Variants in PHLPP1 observed in about 807,000 individuals in gnomAD.
PHLPP1 encodes the protein PH domain leucine-rich repeat-containing protein phosphatase 1.
In PHLPP1, 42 loss-of-function variants were observed where a neutral mutation model predicts 117.2. The observed-to-expected ratio is 0.36, with a 90% confidence interval of 0.28 to 0.46. PHLPP1 has a LOEUF of 0.46. Ranked by LOEUF, PHLPP1 falls within the 20% of genes least tolerant of loss-of-function variation. The probability of loss-of-function intolerance (pLI) is 1.00; values close to 1 mark genes in which losing one functional copy is unlikely to be tolerated. For synonymous variants in PHLPP1, 1,042 were observed against 970.7 expected, an observed-to-expected ratio of 1.07 and a Z score of -1.37; for missense variants, 2,084 against 2,241.9, an observed-to-expected ratio of 0.93 and a Z score of 1.42.
At chr18:62,746,959 C>T (rs994359727) in intron 1 of PHLPP1, among the ~76,000 whole-genome samples, 7 of 152,122 alleles carry the variant, frequency 4.6e-5, no homozygotes, top group African/African-American at 1.7e-4. Flanking sequence ...TTGTTCTAGA[C>T]TCAGTTTTGG....
intron 1 of PHLPP1, among the ~76,000 whole-genome samples, chr18:62,787,316 G>T (rs1332803448): frequency 6.6e-6 from 1 of 152,078 alleles, no homozygotes; most frequent in Non-Finnish European, 1.5e-5. Flanking sequence ...ACAGGCACGT[G>T]CCGCTACTGC....
In PHLPP1 at chr18:62,787,388, G is replaced by A. The variant is rs1046859622; in HGVS notation, c.1577-42647G>A. Among the ~76,000 whole-genome samples the A allele has an allele frequency of 1.2e-4, 19 of 152,022 alleles. 1 individual carries two copies. The highest frequency in any genetic ancestry group is 7.7e-4 in the East Asian group (4 of 5,184). On this transcript the variant is annotated intron_variant, in intron 1 of 16. Transcript: ENST00000262719. Reference sequence around the variant, plus strand: ...TCGCCATGTTAGCCAGGCTGGTCTCGAACTTCTGACCTCAGATGATCCGCC... The same window carrying A: ...TCGCCATGTTAGCCAGGCTGGTCTCAAACTTCTGACCTCAGATGATCCGCC...
intron 1 of PHLPP1, among the ~76,000 whole-genome samples, chr18:62,813,949 TTGG>T (rs1914193990): frequency 1.3e-5 from 2 of 152,146 alleles, no homozygotes; most frequent in African/African-American, 4.8e-5. Context: ...AGAATTTTCT[TTGG>T]TGGATTTTTT....
At chr18:62,950,552 C>T (rs1910421707) in intron 12 of PHLPP1, among the ~76,000 whole-genome samples, 1 of 152,028 alleles carries the variant, frequency 6.6e-6, no homozygotes, top group Non-Finnish European at 1.5e-5. Flanking sequence ...GGGGAAATGG[C>T]TGGGTAGAAT....
intron 12 of PHLPP1, among the ~76,000 whole-genome samples, chr18:62,950,045 T>A (rs1488821777): frequency 6.6e-6 from 1 of 152,206 alleles, no homozygotes; most frequent in Non-Finnish European, 1.5e-5. Flanking sequence ...GTTTTTGAAG[T>A]GTATTTTAAG....
chr18:62,878,474 GTC>G (rs1916099788), intron 4 of PHLPP1, among the ~76,000 whole-genome samples: 2 of 152,148 alleles, frequency 1.3e-5, no homozygotes, highest in African/African-American at 4.8e-5. Context: ...CCATGAAAAT[GTC>G]TGTTTTTATT....
chr18:62,865,955 G>A (rs965846461), intron 4 of PHLPP1, among the ~76,000 whole-genome samples: 2 of 152,140 alleles, frequency 1.3e-5, no homozygotes, highest in Non-Finnish European at 2.9e-5. Flanking sequence ...CCTGGGTGAT[G>A]AAATATATGT....
At chr18:62,767,637 G>A (rs902470885) in intron 1 of PHLPP1, among the ~76,000 whole-genome samples, 9 of 152,210 alleles carry the variant, frequency 5.9e-5, no homozygotes, top group Admixed American at 1.3e-4. Flanking sequence ...TTGCCACAGA[G>A]TTTTAGAATG....
rs370710074 is a variant in PHLPP1, at chr18:62,801,898, T to G, written c.1577-28137T>G. ...ATTTAACTTTTATGTCATTCACATT[T>G]GCATACACAGAGCATCACTCCTAGT... On this transcript the variant is annotated intron_variant, in intron 1 of 16. Coordinates refer to ENST00000262719, the MANE Select transcript of PHLPP1 (RefSeq NM_194449.4). Among the ~76,000 whole-genome samples, 3 of 152,248 alleles carry G rather than the reference T, an allele frequency of 2.0e-5. No individual in the cohort carries two copies. In the East Asian group the frequency reaches 5.8e-4, roughly 29 times the overall value.
rs1910704667 is a variant in PHLPP1 at position 62,715,812 on chromosome 18, G to A, written c.129G>A (p.Ala43=). ...AAAAAAAALA[A]AAGGGRSPEP... is the part of the protein sequence containing the mutation. The stretch of plus-strand genomic sequence containing the variant: ...CGGCGGCCGCGGCGGCTCTGGCGGC[G>A]GCGGCCGGGGGCGGCCGGAGTCCGG... Residue 43 remains alanine, a synonymous_variant, in exon 1 of 17, where the codon GCG becomes GCA. Coordinates refer to ENST00000262719, the MANE Select transcript of PHLPP1 (RefSeq NM_194449.4). The A allele has an allele frequency of 4.1e-6, 3 of 738,952 alleles. No individual in the cohort carries two copies. Among genetic ancestry groups the A allele is most frequent in the Non-Finnish European group, 5.0e-6 (3 of 600,498 alleles). 45.8% of individuals were successfully genotyped at this position (738,952 alleles called of 1,614,324 possible). A position where few individuals can be genotyped will look rare whatever the true frequency, so the allele number is the denominator to read the frequency against.
At chr18:62,783,877 T>C (rs1420335158) in intron 1 of PHLPP1, among the ~76,000 whole-genome samples, 1 of 152,204 alleles carries the variant, frequency 6.6e-6, no homozygotes, top group African/African-American at 2.4e-5. Context: ...GAACTTATAC[T>C]TCTCACAATT....
At chr18:62,888,384 G>T (rs1284440861) in intron 4 of PHLPP1, among the ~76,000 whole-genome samples, 1 of 150,660 alleles carries the variant, frequency 6.6e-6, no homozygotes, top group Non-Finnish European at 1.5e-5. Context: ...TGGAATCTGG[G>T]TCTGTGTGCA....
At chr18:62,791,593 A>C (rs754653988) in intron 1 of PHLPP1, among the ~76,000 whole-genome samples, 3 of 152,156 alleles carry the variant, frequency 2.0e-5, no homozygotes, top group Admixed American at 6.5e-5. Flanking sequence ...TGCATCATTG[A>C]ATGTTCTTGC....
chr18:62,876,592 A>G (rs1432730434), intron 4 of PHLPP1, among the ~76,000 whole-genome samples: 3 of 152,244 alleles, frequency 2.0e-5, no homozygotes, highest in African/African-American at 7.2e-5. Context: ...AGGATAATCA[A>G]AATAATGTGA....
At position 62,979,227 on chromosome 18, in the gene PHLPP1, C is replaced by G. The variant is rs554944084; in HGVS notation, c.4950C>G (p.Gly1650=). Residue 1650 remains glycine (G), a synonymous_variant, in exon 17 of 17, where the codon GGC becomes GGG. Coordinates refer to ENST00000262719, the MANE Select transcript of PHLPP1 (RefSeq NM_194449.4). ...ACGCACCTCTTCGAAAGCCTGGAGG[C>G]TATTTTGCTGCCCCGGCTCAGCCGG... is the stretch of plus-strand genomic sequence containing the variant. ...ATDAPLRKPG[G]YFAAPAQPDP... 1.9e-6 allele frequency: 3 copies of G among 1,606,588 alleles called. No individual in the cohort carries two copies. In the South Asian group the frequency reaches 3.3e-5, roughly 18 times the overall value.
chr18:62,869,669 G>A (rs1355234869), intron 4 of PHLPP1, among the ~76,000 whole-genome samples: 1 of 152,146 alleles, frequency 6.6e-6, no homozygotes, highest in Non-Finnish European at 1.5e-5. Context: ...CATATTATCA[G>A]CTTGTACTTT....
intron 3 of PHLPP1, among the ~76,000 whole-genome samples, chr18:62,842,298 T>A (rs915157601): frequency 6.6e-6 from 1 of 152,168 alleles, no homozygotes; most frequent in Non-Finnish European, 1.5e-5. Flanking sequence ...ATGGCAGACA[T>A]TGGGGAAATG....
intron 9 of PHLPP1, among the ~76,000 whole-genome samples, chr18:62,919,250 A>G (rs1909387717): frequency 6.6e-6 from 1 of 152,214 alleles, no homozygotes; most frequent in African/African-American, 2.4e-5. Context: ...GATTTACATT[A>G]GATTAACAAG....
At chr18:62,799,702 T>C (rs1281392021) in intron 1 of PHLPP1, among the ~76,000 whole-genome samples, 2 of 152,184 alleles carry the variant, frequency 1.3e-5, no homozygotes, top group Admixed American at 1.3e-4. Flanking sequence ...TAGAATACAG[T>C]GTGTGTTCTA....
Sources: allele counts gnomAD v4.1 joint callset (sites outside exome capture counted in the v4.1 genomes callset), GRCh38; gene constraint gnomAD v4.1.1; transcripts MANE v1.5; gene names NCBI Gene and HGNC (gene_info 2026-07-23, HGNC 2026-07-21).